Variants in SCHIP1 observed in about 807,000 individuals in gnomAD.
SCHIP1 encodes schwannomin-interacting protein 1.
A neutral mutation model predicts 29.7 loss-of-function variants in SCHIP1; 8 were observed. The observed-to-expected ratio is 0.27, with a 90% CI of 0.16 to 0.49. The LOEUF is 0.49. SCHIP1 is among the 20% of genes least tolerant of loss of function. The pLI, the probability that SCHIP1 is intolerant of heterozygous loss-of-function variation, is 0.99. For synonymous variants in SCHIP1, 76 were observed against 94.9 expected (o/e 0.80, Z 1.16); for missense variants, 193 against 294.6 (o/e 0.66, Z 2.52).
At chr3:159,282,087 AC>A in the SCHIP1 span, among the ~76,000 whole-genome samples, 1 of 152,118 alleles carries the variant, frequency 6.6e-6, no homozygotes, top group African/African-American at 2.4e-5. Flanking sequence ...AATTTATTGA[AC>A]TATGCCACTA....
chr3:159,571,203 T>C, the SCHIP1 span, among the ~76,000 whole-genome samples: 1 of 152,194 alleles, frequency 6.6e-6, no homozygotes, highest in South Asian at 2.1e-4. Context: ...GAGGGCATCC[T>C]TGTCTTGTTC....
chr3:159,473,200 T>A, the SCHIP1 span, among the ~76,000 whole-genome samples: 2 of 152,212 alleles, frequency 1.3e-5, no homozygotes, highest in Non-Finnish European at 2.9e-5. Flanking sequence ...AAAAGTTGTA[T>A]AATTTATCTA....
At chr3:159,719,756 G>A in the SCHIP1 span, among the ~76,000 whole-genome samples, 1 of 152,180 alleles carries the variant, frequency 6.6e-6, no homozygotes, top group African/African-American at 2.4e-5. Context: ...AGAAGATGTG[G>A]AGAAATAGGA....
At chr3:159,710,756 A>T in the SCHIP1 span, among the ~76,000 whole-genome samples, 2 of 152,236 alleles carry the variant, frequency 1.3e-5, no homozygotes, top group African/African-American at 4.8e-5. Context: ...TAAAACTAAA[A>T]GAAAAAAGCA....
intron 5 of SCHIP1, among the ~76,000 whole-genome samples, chr3:159,889,360 G>C (rs1376357943): frequency 6.6e-6 from 1 of 152,198 alleles, no homozygotes; most frequent in Non-Finnish European, 1.5e-5. Flanking sequence ...TAGGACTCCA[G>C]GTGGTGGAGT....
At chr3:159,575,938 G>A in the SCHIP1 span, among the ~76,000 whole-genome samples, 1 of 152,074 alleles carries the variant, frequency 6.6e-6, no homozygotes, top group East Asian at 1.9e-4. Context: ...TTTACATCAT[G>A]TATTCTAATT....
chr3:159,603,618 T>G, the SCHIP1 span, among the ~76,000 whole-genome samples: 16 of 152,194 alleles, frequency 1.1e-4, no homozygotes, highest in Admixed American at 5.2e-4. Context: ...ATATATATTT[T>G]GCAGTATCAA....
At chr3:159,624,166 T>C in the SCHIP1 span, among the ~76,000 whole-genome samples, 12 of 152,322 alleles carry the variant, frequency 7.9e-5, no homozygotes, top group East Asian at 1.4e-3. Flanking sequence ...CAATTAGATA[T>C]GCATTATCAC....
At chr3:159,821,488 G>C in the SCHIP1 span, among the ~76,000 whole-genome samples, 1 of 150,658 alleles carries the variant, frequency 6.6e-6, no homozygotes, top group Admixed American at 6.6e-5. Context: ...CTGATACCAT[G>C]GATAGTACTG....
chr3:159,433,727 T>G, the SCHIP1 span, among the ~76,000 whole-genome samples: 140 of 152,300 alleles, frequency 9.2e-4, no homozygotes, highest in African/African-American at 3.2e-3. Flanking sequence ...AAAGGACTGC[T>G]GTGAAGAAGT....
the SCHIP1 span, among the ~76,000 whole-genome samples, chr3:159,707,805 C>A: frequency 1.3e-5 from 2 of 152,246 alleles, no homozygotes; most frequent in African/African-American, 4.8e-5. Context: ...CTTTGTCCCC[C>A]CTAATTTTCA....
At chr3:159,873,334 G>A (rs940530202) in intron 2 of SCHIP1, among the ~76,000 whole-genome samples, 3 of 152,212 alleles carry the variant, frequency 2.0e-5, no homozygotes, top group Admixed American at 2.0e-4. Context: ...TTTCTTTAAA[G>A]GCTGTATATT....
At chr3:159,594,252 T>C in the SCHIP1 span, among the ~76,000 whole-genome samples, 656 of 152,360 alleles carry the variant, frequency 4.3e-3, 1 homozygote, top group Non-Finnish European at 7.8e-3. Context: ...CCAGCATTGA[T>C]GGCTGGGAAA....
chr3:159,274,431 CTTA>C, the SCHIP1 span: 1 of 889,106 alleles, frequency 1.1e-6, no homozygotes, highest in Admixed American at 6.2e-5. Flanking sequence ...AGAGTGGCAG[CTTA>C]TTATAAGTAG....
the SCHIP1 span, among the ~76,000 whole-genome samples, chr3:159,335,341 C>T: frequency 3.3e-5 from 5 of 151,996 alleles, no homozygotes; most frequent in African/African-American, 4.8e-5. Context: ...CTAATAGATG[C>T]CCTGTCTTTT....
the SCHIP1 span, among the ~76,000 whole-genome samples, chr3:159,441,212 C>G: frequency 6.6e-6 from 1 of 152,118 alleles, no homozygotes; most frequent in Non-Finnish European, 1.5e-5. Context: ...GTAATATGCG[C>G]TTTTCATTAC....
chr3:159,670,010 C>T, the SCHIP1 span, among the ~76,000 whole-genome samples: 1 of 152,164 alleles, frequency 6.6e-6, no homozygotes, highest in Non-Finnish European at 1.5e-5. Flanking sequence ...TGAGATTTTC[C>T]AGGCCACGAT....
chr3:159,694,433 T>G, the SCHIP1 span, among the ~76,000 whole-genome samples: 8 of 152,012 alleles, frequency 5.3e-5, no homozygotes, highest in East Asian at 1.6e-3. Flanking sequence ...GGCAGGAGAA[T>G]CACTTCAACT....
chr3:159,599,270 A>G, the SCHIP1 span, among the ~76,000 whole-genome samples: 5 of 152,006 alleles, frequency 3.3e-5, no homozygotes, highest in African/African-American at 1.2e-4. Flanking sequence ...TTAAACTTTT[A>G]TTTCAATAGG....
Sources: allele counts gnomAD v4.1 joint callset (sites outside exome capture counted in the v4.1 genomes callset), GRCh38; gene constraint gnomAD v4.1.1; transcripts MANE v1.5; gene names NCBI Gene and HGNC (gene_info 2026-07-23, HGNC 2026-07-21).